PLXNA4: variants seen among roughly 807,000 people sequenced by gnomAD.
PLXNA4 encodes the protein plexin A4.
In PLXNA4, 44 loss-of-function variants were observed where a neutral mutation model predicts 191.8. That is an observed-to-expected ratio of 0.23 (90% CI 0.18 to 0.29). The LOEUF (loss-of-function observed/expected upper bound fraction) is 0.29, where lower values mean the gene tolerates loss of function less well. PLXNA4 is among the 10% of genes least tolerant of loss of function. The pLI is 1.00. For synonymous variants in PLXNA4, 1,082 were observed against 1,009.5 expected (o/e 1.07, Z -1.36); for missense variants, 1,800 against 2,488.8 (o/e 0.72, Z 5.89).
At position 132,124,756 on chromosome 7, in the gene PLXNA4, T is replaced by C. The variant is rs1449985420; in HGVS notation, c.*5723A>G. The C allele has an allele frequency of 6.6e-6, 1 of 152,192 alleles. No homozygotes were observed. The highest frequency in any genetic ancestry group is 1.5e-5 in the Non-Finnish European group (1 of 68,030). 9.4% of individuals were successfully genotyped at this position (152,192 alleles called of 1,614,324 possible). ...GCATAGACATCAAAGCGGGTGGGAA[T>C]GGAATAAAGTGAGGCTCCCGCAACC... On this transcript the variant is annotated 3_prime_UTR_variant, in exon 32 of 32. Transcript: ENST00000321063.
intron 5 of PLXNA4, among the ~76,000 whole-genome samples, chr7:132,237,685 T>A (rs993490695): frequency 3.3e-5 from 5 of 152,198 alleles, no homozygotes; most frequent in Admixed American, 2.6e-4. Context: ...TGACAGAGCA[T>A]CTTGGAATTC....
intron 2 of PLXNA4, among the ~76,000 whole-genome samples, chr7:132,613,480 T>C (rs1803092569): frequency 6.6e-6 from 1 of 152,252 alleles, no homozygotes; most frequent in African/African-American, 2.4e-5. Flanking sequence ...GCCATGTCTC[T>C]TTATTCACTG....
intron 3 of PLXNA4, among the ~76,000 whole-genome samples, chr7:132,326,630 G>A (rs939371023): frequency 1.2e-4 from 19 of 152,130 alleles, no homozygotes; most frequent in Middle Eastern, 3.2e-3. Flanking sequence ...CTCGCTTCCC[G>A]CGGCCTTGCA....
chr7:132,334,620 G>A (rs1467131387), intron 3 of PLXNA4, among the ~76,000 whole-genome samples: 6 of 152,134 alleles, frequency 3.9e-5, no homozygotes, highest in Admixed American at 3.3e-4. Context: ...TGCAAACAAT[G>A]AGGAAGTCAC....
chr7:132,405,935 A>C (rs1794201353), intron 3 of PLXNA4, among the ~76,000 whole-genome samples: 1 of 152,218 alleles, frequency 6.6e-6, no homozygotes, highest in Non-Finnish European at 1.5e-5. Flanking sequence ...CATTTAAAAG[A>C]AGGTTGGCCA....
At chr7:132,293,522 A>C (rs1233956705) in intron 4 of PLXNA4, among the ~76,000 whole-genome samples, 1 of 152,222 alleles carries the variant, frequency 6.6e-6, no homozygotes, top group Non-Finnish European at 1.5e-5. Flanking sequence ...GCTACAATGC[A>C]AGATGAGATT....
rs747148610 is a variant in PLXNA4 at position 132,140,694 on chromosome 7, A to C, written c.5343T>G (p.Ser1781=). The C allele has an allele frequency of 6.2e-7, 1 of 1,614,028 alleles. No individual in the cohort carries two copies. The highest frequency in any genetic ancestry group is 8.5e-7 in the Non-Finnish European group (1 of 1,180,040). Residue 1781 remains serine (S), a synonymous_variant, in exon 30 of 32, where the codon TCT becomes TCG. Transcript: ENST00000321063. ...CCAGCCGGTGCTCTGACGTGGAGCA[A>C]GAGTCCATGAAGGTCTGAGCCACCA... The part of the protein sequence containing the change: ...LSVVAQTFMD[S]CSTSEHRLGK...
intron 3 of PLXNA4, among the ~76,000 whole-genome samples, chr7:132,388,058 C>T (rs1805233574): frequency 6.6e-6 from 1 of 152,154 alleles, no homozygotes; most frequent in African/African-American, 2.4e-5. Context: ...TTAATTAAAA[C>T]ATTCAACCTG....
intron 1 of PLXNA4, among the ~76,000 whole-genome samples, chr7:132,547,515 G>A (rs1800362266): frequency 2.0e-5 from 3 of 152,160 alleles, no homozygotes; most frequent in Admixed American, 2.0e-4. Flanking sequence ...AATGCATGCA[G>A]GCATGGGTAA....
At chr7:132,206,252 C>T (rs373086007) in intron 10 of PLXNA4, among the ~76,000 whole-genome samples, 10 of 152,318 alleles carry the variant, frequency 6.6e-5, no homozygotes, top group East Asian at 1.9e-4. Context: ...ATAGTCTAAG[C>T]GCTCAAATGT....
rs75834093 is a variant in PLXNA4, at chr7:132,439,460, A to T, written c.1371+49832T>A. 3.6e-3 allele frequency among the ~76,000 whole-genome samples: 551 copies of T among 151,504 alleles called. 1 individual carries two copies. Among genetic ancestry groups the T allele is most frequent in the African/African-American group, 0.013 (537 of 41,456 alleles). The stretch of plus-strand genomic sequence containing the variant: ...ATACAAATACACAATATATCCATAC[A>T]TACATGTGCATGCATATACACACAT... On this transcript the variant is annotated intron_variant, in intron 3 of 31. Transcript: ENST00000321063.
rs1287054747 is a variant in PLXNA4, at chr7:132,508,841, C to T, written c.-86-62G>A. 7.2e-7 allele frequency: 1 copy of T among 1,383,856 alleles called. No individual in the cohort carries two copies. Among genetic ancestry groups the T allele is most frequent in the Non-Finnish European group, 9.5e-7 (1 of 1,054,422 alleles). The allele number at this position is 1,383,856 out of a possible 1,614,324, so 85.7% of individuals were successfully genotyped here. ...CCAGTGGCTTCATTTCACCCCACAG[C>T]TTGTCTGCCTGGACTTTCAAAATGT... On this transcript the variant is annotated intron_variant, in intron 1 of 31. Coordinates refer to ENST00000321063, the MANE Select transcript of PLXNA4 (RefSeq NM_020911.2). This position sits in a 1 kb window ranked among gnomAD's most constrained non-coding sequence, Gnocchi z 4.4.
chr7:132,468,733 C>A (rs558477091), intron 3 of PLXNA4, among the ~76,000 whole-genome samples: 1 of 146,398 alleles, frequency 6.8e-6, no homozygotes, highest in African/African-American at 2.7e-5. Flanking sequence ...AATATGCACA[C>A]GCACACACAC....
chr7:132,242,671 T>C (rs1324021064), intron 4 of PLXNA4, among the ~76,000 whole-genome samples: 1 of 152,212 alleles, frequency 6.6e-6, no homozygotes, highest in Non-Finnish European at 1.5e-5. Context: ...GGCAGTGACC[T>C]TGACCTTGGT....
chr7:132,382,357 CA>C (rs2116946597), intron 3 of PLXNA4, among the ~76,000 whole-genome samples: 1 of 152,208 alleles, frequency 6.6e-6, no homozygotes, highest in South Asian at 2.1e-4. Context: ...AGTGTAGACA[CA>C]AAAATCACAG....
intron 3 of PLXNA4, among the ~76,000 whole-genome samples, chr7:132,304,248 G>C (rs1053301376): frequency 1.3e-5 from 2 of 152,156 alleles, no homozygotes; most frequent in Non-Finnish European, 2.9e-5. Context: ...AGAGACTAGA[G>C]AAGATCAGAG....
intron 3 of PLXNA4, among the ~76,000 whole-genome samples, chr7:132,314,507 G>A (rs1734811896): frequency 6.6e-6 from 1 of 152,130 alleles, no homozygotes; most frequent in Non-Finnish European, 1.5e-5. Flanking sequence ...GGCCTTCCAT[G>A]GTTCACCCCC....
At chr7:132,250,946 G>T (rs1261177425) in intron 4 of PLXNA4, among the ~76,000 whole-genome samples, 1 of 151,930 alleles carries the variant, frequency 6.6e-6, no homozygotes, top group Non-Finnish European at 1.5e-5. Flanking sequence ...GAGCCTCAGG[G>T]CCCCACATCC....
rs138949845 is a variant in PLXNA4, at chr7:132,154,221, G to A, written c.4660+5252C>T. ...GAGACAAGATTCTATGGCTCTGCAC[G>A]CCTGTCAGCAGGTGAAACCCAAGGA... On this transcript the variant is annotated intron_variant, in intron 25 of 31. Transcript: ENST00000321063. 3.8e-3 allele frequency among the ~76,000 whole-genome samples: 573 copies of A among 152,220 alleles called. 1 individual carries two copies. The highest frequency in any genetic ancestry group is 5.0e-3 in the Non-Finnish European group (342 of 68,002).
Sources: allele counts gnomAD v4.1 joint callset (sites outside exome capture counted in the v4.1 genomes callset), GRCh38; gene constraint gnomAD v4.1.1; non-coding constraint Gnocchi (gnomAD v3.1); transcripts MANE v1.5; gene names NCBI Gene and HGNC (gene_info 2026-07-23, HGNC 2026-07-21).